Variants in KATNAL1 observed in about 807,000 individuals in gnomAD.
The protein encoded by KATNAL1 is katanin catalytic subunit A1 like 1.
KATNAL1 carries 32 observed loss-of-function variants against 55.2 expected under a neutral mutation model. That is an observed-to-expected ratio of 0.58 (90% CI 0.44 to 0.78). The LOEUF (loss-of-function observed/expected upper bound fraction) is 0.78. Ranked by LOEUF, KATNAL1 falls within the 30% of genes least tolerant of loss-of-function variation. KATNAL1 has a pLI of 0.00. For missense variants in KATNAL1, 466 were observed against 600.9 expected (o/e 0.78, Z 2.35); for synonymous variants, 193 against 193.6 (o/e 1.00, Z 0.02).
At chr13:30,291,597 C>T (rs1882136407) in intron 1 of KATNAL1, among the ~76,000 whole-genome samples, 1 of 151,954 alleles carries the variant, frequency 6.6e-6, no homozygotes, top group South Asian at 2.1e-4. Flanking sequence ...TGAAAGAACA[C>T]AAAATAGACA....
At chr13:30,274,798 C>T (rs1213423376) in intron 3 of KATNAL1, among the ~76,000 whole-genome samples, 2 of 151,976 alleles carry the variant, frequency 1.3e-5, no homozygotes, top group East Asian at 3.9e-4. Flanking sequence ...CTGTAATAGC[C>T]AAATATGGAA....
At chr13:30,269,196 C>G (rs1880029673) in intron 3 of KATNAL1, among the ~76,000 whole-genome samples, 1 of 152,260 alleles carries the variant, frequency 6.6e-6, no homozygotes. Context: ...ATTCTCCTGC[C>G]TCAGCCTGCT....
chr13:30,236,532 C>T (rs1293942578), intron 6 of KATNAL1, among the ~76,000 whole-genome samples: 2 of 152,226 alleles, frequency 1.3e-5, no homozygotes, highest in African/African-American at 2.4e-5. Flanking sequence ...TGACTTTCTG[C>T]AGGCATTTGT....
chr13:30,228,796 A>G (rs927437099), intron 8 of KATNAL1, among the ~76,000 whole-genome samples: 5 of 152,238 alleles, frequency 3.3e-5, no homozygotes, highest in African/African-American at 4.8e-5. Flanking sequence ...CCTGTTGCCC[A>G]GGCTGGAGTG....
chr13:30,286,149 T>C (rs1019598966), intron 1 of KATNAL1, among the ~76,000 whole-genome samples: 2 of 152,212 alleles, frequency 1.3e-5, no homozygotes, highest in African/African-American at 4.8e-5. Context: ...AAAACCCATT[T>C]TCTGGGGAGA....
intron 3 of KATNAL1, among the ~76,000 whole-genome samples, chr13:30,277,921 T>G: frequency 7.4e-6 from 1 of 135,388 alleles, no homozygotes; most frequent in Non-Finnish European, 1.5e-5. Context: ...AGGCGGAGCT[T>G]GCAGTGAGCC....
At chr13:30,294,293 A>T (rs925929164) in intron 1 of KATNAL1, among the ~76,000 whole-genome samples, 3 of 152,216 alleles carry the variant, frequency 2.0e-5, no homozygotes, top group South Asian at 2.1e-4. Flanking sequence ...GCAAAGAAGA[A>T]GTTCTTGAAA....
chr13:30,281,813 G>A (rs907949351), intron 2 of KATNAL1: 2 of 152,180 alleles, frequency 1.3e-5, no homozygotes, highest in Non-Finnish European at 1.5e-5. Flanking sequence ...ACACAGAGAA[G>A]ACCAGCATGT....
At chr13:30,298,617 A>G (rs1381935634) in intron 1 of KATNAL1, among the ~76,000 whole-genome samples, 1 of 152,204 alleles carries the variant, frequency 6.6e-6, no homozygotes, top group Non-Finnish European at 1.5e-5. Flanking sequence ...ACATAGGGAC[A>G]AGAAATTTTA....
intron 3 of KATNAL1, among the ~76,000 whole-genome samples, chr13:30,256,747 G>C (rs1878829880): frequency 6.6e-6 from 1 of 152,178 alleles, no homozygotes; most frequent in South Asian, 2.1e-4. Flanking sequence ...GTCTGATACA[G>C]CATATTTAGA....
At chr13:30,252,362 C>T (rs1878399153) in intron 4 of KATNAL1, among the ~76,000 whole-genome samples, 1 of 152,212 alleles carries the variant, frequency 6.6e-6, no homozygotes, top group South Asian at 2.1e-4. Context: ...CAGTTCCCAA[C>T]ACCAAATTAA....
At chr13:30,290,891 T>C (rs1489645486) in intron 1 of KATNAL1, among the ~76,000 whole-genome samples, 10 of 152,154 alleles carry the variant, frequency 6.6e-5, no homozygotes, top group Admixed American at 5.9e-4. Flanking sequence ...GAAAATGTAT[T>C]TGACAAAATT....
At chr13:30,297,374 A>G (rs754827904) in intron 1 of KATNAL1, among the ~76,000 whole-genome samples, 6 of 152,214 alleles carry the variant, frequency 3.9e-5, no homozygotes, top group Admixed American at 6.5e-5. Flanking sequence ...TTTTAGCAAT[A>G]CAGTCTTTTT....
intron 8 of KATNAL1, among the ~76,000 whole-genome samples, chr13:30,227,778 G>C (rs535938355): frequency 7.0e-6 from 1 of 143,594 alleles, no homozygotes; most frequent in Non-Finnish European, 1.5e-5. Context: ...TTTTTTTCTT[G>C]TGCAACCTAG....
chr13:30,265,629 A>T (rs1470707897), intron 3 of KATNAL1, among the ~76,000 whole-genome samples: 1 of 152,036 alleles, frequency 6.6e-6, no homozygotes, highest in Non-Finnish European at 1.5e-5. Context: ...GTTTTTCCTT[A>T]AAGCTTTCAG....
At chr13:30,230,411 G>A in intron 8 of KATNAL1, 57 bp downstream of exon 8, 1 of 1,524,774 alleles carries the variant, frequency 6.6e-7, no homozygotes, top group African/African-American at 1.4e-5. Context: ...TTGATTATGA[G>A]TTTACACAAA....
chr13:30,242,705 TGAA>T (rs1223798083), intron 4 of KATNAL1, among the ~76,000 whole-genome samples: 1 of 151,976 alleles, frequency 6.6e-6, no homozygotes, highest in East Asian at 1.9e-4. Context: ...CTCACTACAC[TGAA>T]GAAGAAGTGT....
At chr13:30,248,534 A>T (rs1338145144) in intron 4 of KATNAL1, among the ~76,000 whole-genome samples, 1 of 152,268 alleles carries the variant, frequency 6.6e-6, no homozygotes, top group Non-Finnish European at 1.5e-5. Context: ...GCCAATGAAC[A>T]TATGAAAAGG....
At chr13:30,218,311 C>T (rs141337157) in intron 9 of KATNAL1, among the ~76,000 whole-genome samples, 58 of 151,370 alleles carry the variant, frequency 3.8e-4, no homozygotes, top group African/African-American at 1.4e-3. Context: ...AGGAGGTCAG[C>T]CTAAAAGCAA....
Sources: allele counts gnomAD v4.1 joint callset (sites outside exome capture counted in the v4.1 genomes callset), GRCh38; gene constraint gnomAD v4.1.1; transcripts MANE v1.5; gene names NCBI Gene and HGNC (gene_info 2026-07-23, HGNC 2026-07-21).